ZFAND3: variants seen among roughly 807,000 people sequenced by gnomAD.
ZFAND3 encodes zinc finger AN1-type containing 3.
In ZFAND3, 10 loss-of-function variants were observed where a neutral mutation model predicts 29.6. The ratio of observed to expected loss-of-function variants is 0.34; its 90% CI spans 0.21 to 0.57. The LOEUF is 0.57. Among genes scored for constraint, ZFAND3 ranks in the 20% least tolerant of loss-of-function variants. ZFAND3 has a pLI of 0.86. For synonymous variants in ZFAND3, 128 were observed against 112.6 expected (o/e 1.14, Z -0.87); for missense variants, 230 against 304.5 (o/e 0.76, Z 1.82).
intron 4 of ZFAND3, among the ~76,000 whole-genome samples, chr6:38,109,227 G>C (rs1765268299): frequency 6.7e-6 from 1 of 149,584 alleles, no homozygotes; most frequent in Non-Finnish European, 1.5e-5. Context: ...CTGTCGCCGA[G>C]GCTGGAGTGC....
At chr6:37,914,700 G>T (rs1315989698) in intron 1 of ZFAND3, among the ~76,000 whole-genome samples, 1 of 122,860 alleles carries the variant, frequency 8.1e-6, no homozygotes, top group African/African-American at 3.5e-5. Context: ...ACGGGGTTTC[G>T]CTGTGTTAGC....
intron 1 of ZFAND3, among the ~76,000 whole-genome samples, chr6:37,885,744 A>G (rs1188834878): frequency 6.6e-6 from 1 of 152,082 alleles, no homozygotes; most frequent in Non-Finnish European, 1.5e-5. Context: ...TTTCCTTGAG[A>G]TTACTCCTTT....
At chr6:38,015,903 G>A (rs566289731) in intron 2 of ZFAND3, among the ~76,000 whole-genome samples, 229 of 152,278 alleles carry the variant, frequency 1.5e-3, no homozygotes, top group African/African-American at 5.2e-3. Context: ...CAAATATAGT[G>A]AAATGTTAAG....
At chr6:37,902,086 C>T (rs953458349) in intron 1 of ZFAND3, among the ~76,000 whole-genome samples, 1 of 151,958 alleles carries the variant, frequency 6.6e-6, no homozygotes, top group Non-Finnish European at 1.5e-5. Flanking sequence ...AGTATAGATA[C>T]TGCCTGCAAA....
chr6:38,043,834 G>A (rs193156565), intron 2 of ZFAND3, among the ~76,000 whole-genome samples: 75 of 145,676 alleles, frequency 5.1e-4, no homozygotes, highest in African/African-American at 1.8e-3. Context: ...ATTTAGAGAC[G>A]AAGTCTCACT....
chr6:37,839,186 C>CT (rs398110036), intron 1 of ZFAND3, among the ~76,000 whole-genome samples: 73,992 of 147,028 alleles, frequency 0.5, 18,643 homozygotes, highest in Non-Finnish European at 0.53. Flanking sequence ...TGTAAAATTT[C>CT]TTTTTTTTTT....
chr6:38,009,694 C>T (rs185883856), intron 2 of ZFAND3, among the ~76,000 whole-genome samples: 1 of 152,156 alleles, frequency 6.6e-6, no homozygotes, highest in Non-Finnish European at 1.5e-5. Flanking sequence ...AGGTCTCCTC[C>T]TTCATCTTAA....
chr6:38,042,851 A>G (rs1473593387), intron 2 of ZFAND3, among the ~76,000 whole-genome samples: 2 of 152,196 alleles, frequency 1.3e-5, no homozygotes, highest in South Asian at 2.1e-4. Flanking sequence ...TGAGAAAGTC[A>G]TAGATTAGCG....
intron 1 of ZFAND3, among the ~76,000 whole-genome samples, chr6:37,886,035 C>T (rs1201531673): frequency 2.6e-5 from 4 of 151,392 alleles, no homozygotes; most frequent in Admixed American, 2.0e-4. Flanking sequence ...GTCAGGAGTT[C>T]GAGACCAGCC....
At chr6:37,967,125 G>C (rs1306297526) in intron 2 of ZFAND3, among the ~76,000 whole-genome samples, 1 of 152,114 alleles carries the variant, frequency 6.6e-6, no homozygotes, top group Non-Finnish European at 1.5e-5. Flanking sequence ...TACTCTTCTT[G>C]TTTTTGTAAT....
chr6:37,918,108 G>T lies in ZFAND3; in HGVS notation c.72-11851G>T, dbSNP rs567371507. ...TTTTGTTTTTTTGATATGGAGTCTCGCTCTGTTGCCCAGGCTGGAGTGCAG... is the reference window on the plus strand; with the variant it reads ...TTTTGTTTTTTTGATATGGAGTCTCTCTCTGTTGCCCAGGCTGGAGTGCAG... On this transcript the variant is annotated intron_variant, in intron 1 of 5. Transcript: ENST00000287218. Among the ~76,000 whole-genome samples the T allele has an allele frequency of 1.0e-3, 156 of 151,876 alleles. 2 individuals carry two copies. The highest frequency in any genetic ancestry group is 2.0e-3 in the Non-Finnish European group (133 of 67,938).
At chr6:37,953,517 A>G (rs569119618) in intron 2 of ZFAND3, among the ~76,000 whole-genome samples, 2 of 133,346 alleles carry the variant, frequency 1.5e-5, no homozygotes, top group Admixed American at 1.8e-4. Flanking sequence ...CAGTGGTGTG[A>G]TCATGGCTCA....
chr6:38,115,409 T>C (rs115789962), intron 4 of ZFAND3, among the ~76,000 whole-genome samples: 5 of 152,216 alleles, frequency 3.3e-5, no homozygotes, highest in Non-Finnish European at 7.4e-5. Flanking sequence ...GGGGAGCTAT[T>C]AGAGGGTTTT....
intron 2 of ZFAND3, among the ~76,000 whole-genome samples, chr6:38,026,886 C>T (rs374408493): frequency 6.6e-6 from 1 of 151,644 alleles, no homozygotes; most frequent in Non-Finnish European, 1.5e-5. Flanking sequence ...TATTTCCTGC[C>T]TGCACATTAG....
At chr6:37,898,210 G>A (rs1000302184) in intron 1 of ZFAND3, among the ~76,000 whole-genome samples, 10 of 152,268 alleles carry the variant, frequency 6.6e-5, no homozygotes, top group Middle Eastern at 6.8e-3. Context: ...GTGATGTAAA[G>A]TAATGGTGAA....
intron 2 of ZFAND3, among the ~76,000 whole-genome samples, chr6:37,964,211 CT>C (rs1762251633): frequency 6.6e-6 from 1 of 152,174 alleles, no homozygotes; most frequent in South Asian, 2.1e-4. Flanking sequence ...GAGATATGAA[CT>C]TTGATGTCCT....
At chr6:37,852,119 C>T (rs931073852) in intron 1 of ZFAND3, among the ~76,000 whole-genome samples, 4 of 152,136 alleles carry the variant, frequency 2.6e-5, no homozygotes, top group East Asian at 3.8e-4. Context: ...CTAGGCTGTG[C>T]GACTGTAGCA....
At chr6:37,974,304 T>A (rs1762439358) in intron 2 of ZFAND3, among the ~76,000 whole-genome samples, 1 of 152,030 alleles carries the variant, frequency 6.6e-6, no homozygotes, top group Admixed American at 6.6e-5. Flanking sequence ...CCTCAAGTGA[T>A]CTGCCCTCCT....
chr6:37,820,010 T>C lies in ZFAND3; in HGVS notation c.65T>C (p.Phe22Ser). The C allele has an allele frequency of 8.2e-7, 1 of 1,212,754 alleles. No homozygotes were observed. The highest frequency in any genetic ancestry group is 1.0e-6 in the Non-Finnish European group (1 of 975,868). The allele number at this position is 1,212,754 out of a possible 1,614,324, so 75.1% of individuals were successfully genotyped here. A position where few individuals can be genotyped will look rare whatever the true frequency, so the allele number is the denominator to read the frequency against. ...PSLPPRCPCG[F>S]WGSSKTMNLC... ...CTGCCGCCTCGCTGTCCCTGCGGCT[T>C]CTGGGGGTAAGTGCCCGGCCGGGTG... The change falls in exon 1 of 6, where the codon TTC becomes TCC. Residue 22 changes from phenylalanine to serine, a missense_variant. Phe to Ser is a radical substitution (Grantham distance 155). This residue lies in a region of ZFAND3 where 180 missense variants were observed against 202.5 expected (regional missense o/e 0.89). Coordinates refer to ENST00000287218, the MANE Select transcript of ZFAND3 (RefSeq NM_021943.3).
Sources: gnomAD v4.1 joint callset for allele counts (sites outside exome capture counted in the v4.1 genomes callset) on GRCh38, gnomAD v4.1.1 for gene constraint, gnomAD v4.1.1 regional missense constraint, MANE v1.5 for transcripts, NCBI Gene and HGNC (gene_info 2026-07-23, HGNC 2026-07-21) for gene names.